Variants in NDUFS4 observed in about 807,000 individuals in gnomAD.
The protein encoded by NDUFS4 is NADH:ubiquinone oxidoreductase subunit S4, also known as NADH dehydrogenase [ubiquinone] iron-sulfur protein 4, mitochondrial.
A neutral mutation model predicts 24.3 loss-of-function variants in NDUFS4; 28 were observed. The observed-to-expected ratio is 1.15, with a 90% confidence interval of 0.85 to 1.58. The LOEUF (loss-of-function observed/expected upper bound fraction) is 1.58, where lower values mean the gene tolerates loss of function less well. NDUFS4 is among the 40% of genes most tolerant of loss of function. The pLI is 0.00. For synonymous variants in NDUFS4, 93 were observed against 69.7 expected (o/e 1.34, Z -1.67); for missense variants, 223 against 207.9 (o/e 1.07, Z -0.45).
intron 1 of NDUFS4, among the ~76,000 whole-genome samples, chr5:53,593,164 G>A (rs993653808): frequency 1.3e-5 from 2 of 152,002 alleles, no homozygotes; most frequent in Admixed American, 6.6e-5. Flanking sequence ...ACATCTGGAC[G>A]TTATGGTTTC....
At chr5:53,648,563 T>A (rs897057861) in intron 3 of NDUFS4, among the ~76,000 whole-genome samples, 1 of 152,214 alleles carries the variant, frequency 6.6e-6, no homozygotes, top group Non-Finnish European at 1.5e-5. Context: ...TTCAAGAGAT[T>A]CCTGGTGGTG....
chr5:53,606,397 A>G (rs939787521), intron 2 of NDUFS4, among the ~76,000 whole-genome samples: 3 of 151,690 alleles, frequency 2.0e-5, no homozygotes, highest in Admixed American at 6.6e-5. Flanking sequence ...GGTGCCATAC[A>G]CTTTCTGTCA....
intron 2 of NDUFS4, among the ~76,000 whole-genome samples, chr5:53,634,123 T>C (rs911508637): frequency 2.0e-5 from 3 of 152,256 alleles, no homozygotes; most frequent in African/African-American, 7.2e-5. Context: ...TAGGACCAGT[T>C]CTTAACAACA....
intron 2 of NDUFS4, among the ~76,000 whole-genome samples, chr5:53,614,944 G>A (rs1025556763): frequency 6.6e-6 from 1 of 151,806 alleles, no homozygotes; most frequent in Non-Finnish European, 1.5e-5. Context: ...TACATTATTA[G>A]TCTATTACTC....
chr5:53,616,927 G>A (rs77184606), intron 2 of NDUFS4, among the ~76,000 whole-genome samples: 2 of 152,100 alleles, frequency 1.3e-5, no homozygotes, highest in Admixed American at 6.5e-5. Flanking sequence ...TAACAATTTG[G>A]TGATTTTTTT....
chr5:53,675,859 A>G (rs1173253208), intron 4 of NDUFS4, among the ~76,000 whole-genome samples: 1 of 152,180 alleles, frequency 6.6e-6, no homozygotes, highest in Non-Finnish European at 1.5e-5. Flanking sequence ...GAGTTCTCTT[A>G]CTGCTTTGGA....
intron 2 of NDUFS4, among the ~76,000 whole-genome samples, chr5:53,614,097 C>T (rs813301): frequency 0.66 from 99,166 of 150,934 alleles, 32,761 homozygotes; most frequent in East Asian, 0.75. Flanking sequence ...TTTATCAAAA[C>T]AGTTAATCAT....
At chr5:53,661,735 G>A (rs1261362847) in intron 4 of NDUFS4, among the ~76,000 whole-genome samples, 1 of 152,104 alleles carries the variant, frequency 6.6e-6, no homozygotes, top group Non-Finnish European at 1.5e-5. Flanking sequence ...GTGTAAGTTG[G>A]ATTCCTAGGT....
intron 1 of NDUFS4, among the ~76,000 whole-genome samples, chr5:53,568,383 T>TA (rs914725510): frequency 5.3e-5 from 8 of 151,478 alleles, no homozygotes. Context: ...GAAAACGGAT[T>TA]AAAAAAAAAG....
chr5:53,661,371 G>T (rs1752338589), intron 4 of NDUFS4, among the ~76,000 whole-genome samples: 1 of 152,066 alleles, frequency 6.6e-6, no homozygotes, highest in South Asian at 2.1e-4. Flanking sequence ...TCTCTGTTTT[G>T]GTACCAGTAC....
At chr5:53,562,892 A>G (rs1191728933) in intron 1 of NDUFS4, among the ~76,000 whole-genome samples, 5 of 151,954 alleles carry the variant, frequency 3.3e-5, no homozygotes, top group Admixed American at 2.6e-4. Flanking sequence ...TGAATAGAAT[A>G]TGGGAAGTGG....
In NDUFS4 at chr5:53,563,229, A is replaced by C. The variant is rs1257275146; in HGVS notation, c.98+2469A>C. Among the ~76,000 whole-genome samples, 6 of 137,434 alleles carry C rather than the reference A, an allele frequency of 4.4e-5. No individual in the cohort carries two copies. In the East Asian group the frequency reaches 1.2e-3, roughly 27 times the overall value. The allele number at this position is 137,434 out of a possible 152,430, so 90.2% of individuals were successfully genotyped here. On this transcript the variant is annotated intron_variant, in intron 1 of 4. Coordinates refer to ENST00000296684, the MANE Select transcript of NDUFS4 (RefSeq NM_002495.4). Reference sequence around the variant, plus strand: ...GGGCAACAGAGCCAGACTGTGTCTCAAAAAAACAAAAAAAAAAAAAAAAAA... The same window carrying C: ...GGGCAACAGAGCCAGACTGTGTCTCCAAAAAACAAAAAAAAAAAAAAAAAA...
intron 2 of NDUFS4, among the ~76,000 whole-genome samples, chr5:53,629,107 T>A (rs549828041): frequency 2.6e-5 from 4 of 152,334 alleles, no homozygotes; most frequent in African/African-American, 9.6e-5. Flanking sequence ...TCAAAGAACA[T>A]CCTTATTTCT....
intron 1 of NDUFS4, among the ~76,000 whole-genome samples, chr5:53,567,148 AC>A (rs1425184319): frequency 4.1e-4 from 63 of 152,002 alleles, no homozygotes; most frequent in Non-Finnish European, 7.4e-5. Flanking sequence ...TGAGCCCAGC[AC>A]CCCTTAATAT....
intron 4 of NDUFS4, among the ~76,000 whole-genome samples, chr5:53,677,015 G>T (rs924113181): frequency 2.0e-5 from 3 of 152,104 alleles, no homozygotes; most frequent in African/African-American, 7.2e-5. Flanking sequence ...CCTATGAGTA[G>T]CTTGCAAATC....
chr5:53,627,436 A>T, intron 2 of NDUFS4, among the ~76,000 whole-genome samples: 1 of 152,178 alleles, frequency 6.6e-6, no homozygotes, highest in Non-Finnish European at 1.5e-5. Flanking sequence ...TGGTACCTTG[A>T]TGGGTATAGC....
chr5:53,646,732 G>A (rs2112508094), intron 3 of NDUFS4, among the ~76,000 whole-genome samples: 1 of 152,184 alleles, frequency 6.6e-6, no homozygotes, highest in East Asian at 1.9e-4. Context: ...TACGGTTTCA[G>A]TTATCCGATG....
At chr5:53,640,354 C>T (rs1416017462) in intron 2 of NDUFS4, among the ~76,000 whole-genome samples, 1 of 152,090 alleles carries the variant, frequency 6.6e-6, no homozygotes, top group East Asian at 1.9e-4. Flanking sequence ...CCAGTGTGGG[C>T]AGTATCTTGG....
intron 4 of NDUFS4, among the ~76,000 whole-genome samples, chr5:53,680,399 T>A (rs919721298): frequency 3.9e-5 from 6 of 152,178 alleles, no homozygotes; most frequent in Non-Finnish European, 7.3e-5. Flanking sequence ...ACACGTATGT[T>A]TACTGCGGCA....
Sources: allele counts gnomAD v4.1 joint callset (sites outside exome capture counted in the v4.1 genomes callset), GRCh38; gene constraint gnomAD v4.1.1; transcripts MANE v1.5; gene names NCBI Gene and HGNC (gene_info 2026-07-23, HGNC 2026-07-21).